ITIH2: variants seen among roughly 807,000 people sequenced by gnomAD.
ITIH2 encodes the protein inter-alpha-trypsin inhibitor heavy chain 2.
In ITIH2, 103 loss-of-function variants were observed where a neutral mutation model predicts 104.4. That is an observed-to-expected ratio of 0.99 (90% CI 0.84 to 1.16). The LOEUF is 1.16. ITIH2 is among the 50% of genes most tolerant of loss of function. The pLI is 0.00. For missense variants in ITIH2, 1,108 were observed against 1,162.4 expected (o/e 0.95, Z 0.68); for synonymous variants, 436 against 435.4 (o/e 1.00, Z -0.02).
chr10:7,704,353 C>T (rs1054906672), intron 1 of ITIH2, among the ~76,000 whole-genome samples: 1 of 152,212 alleles, frequency 6.6e-6, no homozygotes, highest in Non-Finnish European at 1.5e-5. Context: ...TTAAAAGCCA[C>T]CAGAGTGTGT....
At chr10:7,725,175 G>GT (rs916870864) in intron 9 of ITIH2, among the ~76,000 whole-genome samples, 1 of 152,108 alleles carries the variant, frequency 6.6e-6, no homozygotes, top group Non-Finnish European at 1.5e-5. Flanking sequence ...TTTGATAAAA[G>GT]TTTTTTTAAA....
chr10:7,718,526 AT>A (rs559290134), intron 6 of ITIH2, among the ~76,000 whole-genome samples: 10 of 148,932 alleles, frequency 6.7e-5, no homozygotes, highest in African/African-American at 1.2e-4. Context: ...TTTCTCAGTT[AT>A]TTTTTTTTTA....
At chr10:7,708,057 G>A (rs1351131739) in intron 3 of ITIH2, among the ~76,000 whole-genome samples, 2 of 152,350 alleles carry the variant, frequency 1.3e-5, no homozygotes, top group South Asian at 2.1e-4. Context: ...ACTGCCAGAA[G>A]TGCACACTTC....
intron 10 of ITIH2, 86 bp downstream of exon 10, chr10:7,727,204 T>C: frequency 8.8e-7 from 1 of 1,136,342 alleles, no homozygotes; most frequent in Non-Finnish European, 1.3e-6. Flanking sequence ...CCCATCACAG[T>C]GGTCTTTCCC....
chr10:7,740,427 C>T (rs537988314), intron 16 of ITIH2, among the ~76,000 whole-genome samples: 2 of 152,240 alleles, frequency 1.3e-5, no homozygotes, highest in Admixed American at 1.3e-4. Flanking sequence ...GTGGGGAATC[C>T]GTGCGTAAGT....
chr10:7,717,034 G>T (rs1012569258), intron 5 of ITIH2, among the ~76,000 whole-genome samples: 2 of 149,562 alleles, frequency 1.3e-5, no homozygotes, highest in African/African-American at 2.5e-5. Context: ...CGCAACCTCT[G>T]CCTCCTGGGT....
chr10:7,706,839 C>T (rs559041660), intron 2 of ITIH2, among the ~76,000 whole-genome samples: 8 of 151,874 alleles, frequency 5.3e-5, no homozygotes, highest in Non-Finnish European at 8.8e-5. Flanking sequence ...GCCTCATGGC[C>T]GAATGGAGGA....
chr10:7,738,733 C>A lies in ITIH2; in HGVS notation c.2070C>A (p.Ser690=). The A allele has an allele frequency of 6.2e-7, 1 of 1,612,342 alleles. No individual in the cohort carries two copies. ...CACAAGGATCTCAGGTGCTAGAGTC[C>A]ACGCCACCCCCACATGTGATGAGAG... ...MLAQGSQVLE[S]TPPPHVMRVE... Residue 690 remains serine, a synonymous_variant, in exon 16 of 21, where the codon TCC becomes TCA. Transcript: ENST00000358415.
At position 7,720,980 on chromosome 10, in the gene ITIH2, G is replaced by T. The variant is rs748632399; in HGVS notation, c.738+17G>T. Reference sequence around the variant, plus strand: ...CAACAGAAGGTACCCTGAGCCCTGTGTGTTGCCAGGCATTCACAGGGCCTC... The same window carrying T: ...CAACAGAAGGTACCCTGAGCCCTGTTTGTTGCCAGGCATTCACAGGGCCTC... On this transcript the variant is annotated intron_variant, in intron 7 of 20. Coordinates refer to ENST00000358415, the MANE Select transcript of ITIH2 (RefSeq NM_002216.3). 2 of 1,483,268 alleles carry T rather than the reference G, an allele frequency of 1.3e-6. No individual in the cohort carries two copies. The highest frequency in any genetic ancestry group is 1.9e-6 in the Non-Finnish European group (2 of 1,060,984). 91.9% of individuals were successfully genotyped at this position (1,483,268 alleles called of 1,614,324 possible).
At chr10:7,712,733 C>T (rs1029392564) in intron 4 of ITIH2, among the ~76,000 whole-genome samples, 1 of 152,202 alleles carries the variant, frequency 6.6e-6, no homozygotes, top group African/African-American at 2.4e-5. Context: ...GAATGCCTCC[C>T]TTCTTATTTC....
intron 15 of ITIH2, among the ~76,000 whole-genome samples, chr10:7,737,720 TATA>T (rs370258869): frequency 6.5e-5 from 3 of 46,126 alleles, no homozygotes; most frequent in African/African-American, 2.4e-4. Context: ...TTATATTCTA[TATA>T]ATATTCTATA....
intron 5 of ITIH2, among the ~76,000 whole-genome samples, chr10:7,717,260 A>AT (rs1218953896): frequency 6.6e-6 from 1 of 152,056 alleles, no homozygotes. Flanking sequence ...CCCAAGCCTA[A>AT]TTTTTTTATC....
intron 5 of ITIH2, among the ~76,000 whole-genome samples, chr10:7,716,209 G>A (rs1458189320): frequency 6.6e-6 from 1 of 152,002 alleles, no homozygotes; most frequent in African/African-American, 2.4e-5. Flanking sequence ...GTTAACTCCT[G>A]ACCTCAAGTG....
chr10:7,721,595 C>G (rs1834903235), intron 7 of ITIH2, 54 bp from the exon 8 acceptor site: 2 of 1,567,608 alleles, frequency 1.3e-6, no homozygotes, highest in East Asian at 2.3e-5. Context: ...GGGGCAGCGC[C>G]AAGCACTGGG....
chr10:7,704,737 G>T (rs1834728713), intron 1 of ITIH2, among the ~76,000 whole-genome samples: 2 of 152,160 alleles, frequency 1.3e-5, no homozygotes, highest in African/African-American at 4.8e-5. Flanking sequence ...GTAGAGGAAA[G>T]AATATAAAAT....
intron 5 of ITIH2, among the ~76,000 whole-genome samples, chr10:7,715,646 T>A (rs1834841475): frequency 6.6e-6 from 1 of 152,146 alleles, no homozygotes; most frequent in South Asian, 2.1e-4. Context: ...TGCTCATCTT[T>A]TTCTTCAATT....
intron 14 of ITIH2, among the ~76,000 whole-genome samples, chr10:7,732,897 T>G (rs1019481512): frequency 6.6e-6 from 1 of 151,980 alleles, no homozygotes; most frequent in Non-Finnish European, 1.5e-5. Context: ...CCAGCTAATT[T>G]TTTTGTATTT....
chr10:7,704,483 T>C (rs1246761478), intron 1 of ITIH2, among the ~76,000 whole-genome samples: 1 of 152,214 alleles, frequency 6.6e-6, no homozygotes, highest in Non-Finnish European at 1.5e-5. Context: ...GTATGGTTCA[T>C]GTCTGTCCAG....
intron 2 of ITIH2, among the ~76,000 whole-genome samples, chr10:7,706,825 C>A (rs902414912): frequency 2.0e-5 from 3 of 152,114 alleles, no homozygotes; most frequent in Non-Finnish European, 4.4e-5. Flanking sequence ...ACAGCATGCC[C>A]ACAGCCTCAT....
Sources: allele counts gnomAD v4.1 joint callset (sites outside exome capture counted in the v4.1 genomes callset), GRCh38; gene constraint gnomAD v4.1.1; transcripts MANE v1.5; gene names NCBI Gene and HGNC (gene_info 2026-07-23, HGNC 2026-07-21).